Variants in CER1 observed in about 807,000 individuals in gnomAD.
CER1 encodes cerberus.
Under a neutral mutation model 11.8 loss-of-function variants are expected in CER1, and 10 were observed. The observed-to-expected ratio is 0.85, with a 90% CI of 0.52 to 1.44. CER1 has a LOEUF of 1.44. CER1 is among the 40% of genes most tolerant of loss of function. The pLI is 0.00. For synonymous variants in CER1, 141 were observed against 122.3 expected (o/e 1.15, Z -1.01); for missense variants, 431 against 327.0 (o/e 1.32, Z -2.45).
rs1324734733 is a variant in CER1 at position 14,722,370 on chromosome 9, A to C, written c.303T>G (p.Asp101Glu). 1.2e-6 allele frequency: 2 copies of C among 1,614,044 alleles called. No homozygotes were observed. The highest frequency in any genetic ancestry group is 1.3e-5 in the African/African-American group (1 of 74,914). Residue 101 changes from aspartate (D) to glutamate (E), a missense_variant, in exon 1 of 2, where the codon GAT (aspartate) becomes GAG (glutamate). Asp to Glu is a conservative substitution (Grantham distance 45). Transcript: ENST00000380911. ...EREMHPSRDS[D>E]SEPFPPGTQS... ...GGGTCCCAGGTGGGAAGGGCTCACTATCTGAGTCCCTGGATGGATGCATTT... is the reference window on the plus strand; with the variant it reads ...GGGTCCCAGGTGGGAAGGGCTCACTCTCTGAGTCCCTGGATGGATGCATTT...
downstream of CER1, chr9:14,719,644 TCCCTC>T (rs1839980599): frequency 6.6e-6 from 1 of 151,962 alleles, no homozygotes; most frequent in East Asian, 1.9e-4. Context: ...CCTTCCTTCC[TCCCTC>T]TCTATCTTGC....
At position 14,722,148 on chromosome 9, in the gene CER1, T is replaced by TA; in HGVS notation, c.507+17_507+18insT. The TA allele has an allele frequency of 6.2e-7, 1 of 1,601,350 alleles. No individual in the cohort carries two copies. ...ACCACCTGCAAACTCTTACCTGCTCTCCCCCCAGAACACATACCTGGCTGA... is the reference window on the plus strand; with the variant it reads ...ACCACCTGCAAACTCTTACCTGCTCTACCCCCCAGAACACATACCTGGCTGA... On this transcript the variant is annotated intron_variant, in intron 1 of 1. Transcript: ENST00000380911.
rs1228429842 is a variant in CER1 at position 14,720,398 on chromosome 9, A to T, written c.508-12T>A. 2 of 1,598,252 alleles carry T rather than the reference A, an allele frequency of 1.3e-6. No homozygotes were observed. Among genetic ancestry groups the T allele is most frequent in the South Asian group, 2.2e-5 (2 of 90,596 alleles). On this transcript the variant is annotated splice_polypyrimidine_tract_variant and intron_variant, in intron 1 of 1. Coordinates refer to ENST00000380911, the MANE Select transcript of CER1 (RefSeq NM_005454.3). ...TCGTGGGTTATAGTCTAAAAAGCAAACACATTTCCATTACGTTATTTTGAA... is the reference window on the plus strand; with the variant it reads ...TCGTGGGTTATAGTCTAAAAAGCAATCACATTTCCATTACGTTATTTTGAA...
Position 14,722,730 on chromosome 9 carries a change from C to A in CER1, c.-58G>T. 1.3e-6 allele frequency: 2 copies of A among 1,512,034 alleles called. No individual in the cohort carries two copies. Among genetic ancestry groups the A allele is most frequent in the South Asian group, 2.6e-5 (2 of 75,498 alleles). 93.7% of individuals were successfully genotyped at this position (1,512,034 alleles called of 1,614,324 possible). On this transcript the variant is annotated 5_prime_UTR_variant, in exon 1 of 2. Coordinates refer to ENST00000380911, the MANE Select transcript of CER1 (RefSeq NM_005454.3). ...ATGAGGCCCAAAGGAGAGGCTCATTCTCTGCAGGACTGGGAAAAAGGAAAT... is the reference window on the plus strand; with the variant it reads ...ATGAGGCCCAAAGGAGAGGCTCATTATCTGCAGGACTGGGAAAAAGGAAAT...
At chr9:14,721,860 G>A (rs939655484) in intron 1 of CER1, among the ~76,000 whole-genome samples, 2 of 152,074 alleles carry the variant, frequency 1.3e-5, no homozygotes, top group Non-Finnish European at 2.9e-5. Context: ...ATATCTCTGA[G>A]TAGATCACCT....
downstream of CER1, among the ~76,000 whole-genome samples, chr9:14,719,425 G>T (rs1240092589): frequency 6.6e-6 from 1 of 152,128 alleles, no homozygotes; most frequent in African/African-American, 2.4e-5. Context: ...TTAATCATCA[G>T]ATAGAAGTCA....
chr9:14,717,912 G>A (rs532349841), downstream of CER1, among the ~76,000 whole-genome samples: 3 of 152,282 alleles, frequency 2.0e-5, no homozygotes, highest in East Asian at 5.8e-4. Context: ...TAGTTTTTGT[G>A]AGGATTAAAT....
In CER1 at chr9:14,722,433, C is replaced by G; in HGVS notation, c.240G>C (p.Leu80=). The G allele has an allele frequency of 1.2e-6, 2 of 1,614,216 alleles. No individual in the cohort carries two copies. The highest frequency in any genetic ancestry group is 1.7e-6 in the Non-Finnish European group (2 of 1,180,046). The part of the protein sequence containing the change: ...GEGQRQREKM[L]SRFGRFWKKP... ...TCTTCCAGAACCTGCCAAATCTGGA[C>G]AGCATCTTCTCTCTCTGCCTCTGGC... is the stretch of plus-strand genomic sequence containing the variant. Residue 80 remains leucine (L), a synonymous_variant, in exon 1 of 2, where the codon CTG becomes CTC. Transcript: ENST00000380911.
At chr9:14,718,522 A>C (rs1223188534), downstream of CER1, among the ~76,000 whole-genome samples, 1 of 152,208 alleles carries the variant, frequency 6.6e-6, no homozygotes, top group Non-Finnish European at 1.5e-5. Flanking sequence ...GTGTTACAAA[A>C]TATACACTAA....
downstream of CER1, among the ~76,000 whole-genome samples, chr9:14,718,212 G>A (rs1269372910): frequency 6.6e-6 from 1 of 152,176 alleles, no homozygotes. Flanking sequence ...GTTTGGGCTT[G>A]AGAGTCTATT....
chr9:14,722,480 C>T lies in CER1; in HGVS notation c.193G>A (p.Ala65Thr). ...TGGCCTTCCCCTGCAGGGCTGGTGG[C>T]TACAAGGTGTGGCACTGCGACAAAC... The part of the protein sequence containing the change: ...DLFVAVPHLV[A>T]TSPAGEGQRQ... The change falls in exon 1 of 2, where the codon GCC becomes ACC. Residue 65 changes from alanine (A) to threonine (T), a missense_variant. Physicochemically the swap from Ala to Thr is moderately conservative, Grantham distance 58. Transcript: ENST00000380911. 1 of 1,614,164 alleles carries T rather than the reference C, an allele frequency of 6.2e-7. No homozygotes were observed. Among genetic ancestry groups the T allele is most frequent in the South Asian group, 1.1e-5 (1 of 91,078 alleles).
chr9:14,722,535 G>C lies in CER1; in HGVS notation c.138C>G (p.Asn46Lys). Reference protein sequence around the residue: ...PRNQRELPTGNHEEAEEKPDL... With the variant: ...PRNQRELPTGKHEEAEEKPDL... ...CTGGCTTCTCCTCAGCTTCCTCATG[G>C]TTGCCTGTGGGAAGCTCTCTTTGAT... is the stretch of plus-strand genomic sequence containing the variant. Residue 46 changes from asparagine (N) to lysine (K), a missense_variant, in exon 1 of 2, where the codon AAC (asparagine) becomes AAG (lysine). Coordinates refer to ENST00000380911, the MANE Select transcript of CER1 (RefSeq NM_005454.3). The C allele has an allele frequency of 6.2e-7, 1 of 1,614,186 alleles. No individual in the cohort carries two copies. The highest frequency in any genetic ancestry group is 8.5e-7 in the Non-Finnish European group (1 of 1,180,040).
At chr9:14,719,332 A>G (rs1182121759), downstream of CER1, among the ~76,000 whole-genome samples, 1 of 152,148 alleles carries the variant, frequency 6.6e-6, no homozygotes, top group Non-Finnish European at 1.5e-5. Context: ...AAAGTCAGAG[A>G]CCTGACATTA....
chr9:14,720,566 A>T lies in CER1; in HGVS notation c.508-180T>A, dbSNP rs557114299. ...TAAGGGCACAGAACCACCTCAATTAAATTTTCTTTATTGAGTAAATTATTA... is the reference window on the plus strand; with the variant it reads ...TAAGGGCACAGAACCACCTCAATTATATTTTCTTTATTGAGTAAATTATTA... On this transcript the variant is annotated intron_variant, in intron 1 of 1. Transcript: ENST00000380911. 5.9e-5 allele frequency among the ~76,000 whole-genome samples: 9 copies of T among 152,284 alleles called. No individual in the cohort carries two copies. In the East Asian group the frequency reaches 1.7e-3, roughly 29 times the overall value.
chr9:14,717,995 G>T (rs1227564981), downstream of CER1, among the ~76,000 whole-genome samples: 1 of 151,968 alleles, frequency 6.6e-6, no homozygotes, highest in Non-Finnish European at 1.5e-5. Flanking sequence ...TTTTCCTCTT[G>T]GTTTCTTACA....
chr9:14,721,715 A>G (rs538961322), intron 1 of CER1, among the ~76,000 whole-genome samples: 1 of 152,116 alleles, frequency 6.6e-6, no homozygotes, highest in Non-Finnish European at 1.5e-5. Flanking sequence ...AAGGAGTCCA[A>G]TGCACCCCAC....
intron 1 of CER1, 108 bp downstream of exon 1, chr9:14,722,058 G>C (rs904134994): frequency 7.8e-7 from 1 of 1,287,926 alleles, no homozygotes; most frequent in African/African-American, 1.5e-5. Flanking sequence ...CAAATCTGTA[G>C]TTAAGCTAGA....
At chr9:14,721,015 A>G (rs905159535) in intron 1 of CER1, among the ~76,000 whole-genome samples, 3 of 152,218 alleles carry the variant, frequency 2.0e-5, no homozygotes, top group Non-Finnish European at 4.4e-5. Context: ...TTTTAATTTA[A>G]TTAGCAATAG....
chr9:14,718,496 T>C (rs377215322), downstream of CER1, among the ~76,000 whole-genome samples: 1 of 152,182 alleles, frequency 6.6e-6, no homozygotes, highest in East Asian at 1.9e-4. Context: ...TCTGTGTAAC[T>C]CACATTCATG....
Sources: gnomAD v4.1 joint callset for allele counts (sites outside exome capture counted in the v4.1 genomes callset) on GRCh38, gnomAD v4.1.1 for gene constraint, MANE v1.5 for transcripts, NCBI Gene and HGNC (gene_info 2026-07-23, HGNC 2026-07-21) for gene names.